Variants in CDC14B observed in about 807,000 individuals in gnomAD.
CDC14B encodes dual specificity protein phosphatase CDC14B.
Under a neutral mutation model 64.2 loss-of-function variants are expected in CDC14B, and 22 were observed. The observed-to-expected ratio is 0.34, with a 90% CI of 0.24 to 0.49. CDC14B has a LOEUF of 0.49. CDC14B is among the 20% of genes least tolerant of loss of function. The probability of loss-of-function intolerance (pLI) is 0.99; values close to 1 mark genes in which losing one functional copy is unlikely to be tolerated. For missense variants in CDC14B, 498 were observed against 629.9 expected (o/e 0.79, Z 2.24); for synonymous variants, 191 against 215.8 (o/e 0.89, Z 1.01).
chr9:96,595,640 C>T (rs1001516734), intron 1 of CDC14B, among the ~76,000 whole-genome samples: 4 of 152,136 alleles, frequency 2.6e-5, no homozygotes, highest in Non-Finnish European at 5.9e-5. Context: ...AAATGGAATA[C>T]GTACTGATAC....
At chr9:96,612,322 T>C (rs1588081716) in intron 1 of CDC14B, among the ~76,000 whole-genome samples, 1 of 152,298 alleles carries the variant, frequency 6.6e-6, no homozygotes, top group East Asian at 1.9e-4. Flanking sequence ...TTGAAACCCT[T>C]CCAGCCGTGA....
At chr9:96,586,022 A>G (rs1564373389) in intron 1 of CDC14B, among the ~76,000 whole-genome samples, 1 of 152,236 alleles carries the variant, frequency 6.6e-6, no homozygotes, top group Non-Finnish European at 1.5e-5. Context: ...ACTAATCTAT[A>G]GTGACAGAAA....
intron 6 of CDC14B, among the ~76,000 whole-genome samples, chr9:96,540,071 G>C (rs754571776): frequency 3.3e-5 from 5 of 152,102 alleles, no homozygotes; most frequent in African/African-American, 4.8e-5. Flanking sequence ...CCAAGACTAA[G>C]TCAATCACAA....
chr9:96,593,022 G>T lies in CDC14B; in HGVS notation c.160+26197C>A, dbSNP rs118134758. On this transcript the variant is annotated intron_variant, in intron 1 of 13. Coordinates refer to ENST00000375241, the MANE Select transcript of CDC14B (RefSeq NM_033331.4). ...GTTAAATAAAATTAAAATGTTTGCC[G>T]TAAGAGTTGTTAACTGCTCAGAAAA... Among the ~76,000 whole-genome samples, 54 of 152,194 alleles carry T rather than the reference G, an allele frequency of 3.5e-4. 1 individual carries two copies. The East Asian group carries it at 9.8e-3, about 28-fold the overall frequency.
chr9:96,616,833 G>A lies in CDC14B; in HGVS notation c.160+2386C>T, dbSNP rs1396825608. Among the ~76,000 whole-genome samples the A allele has an allele frequency of 9.2e-5, 14 of 152,240 alleles. No individual in the cohort carries two copies. In the East Asian group the frequency reaches 2.5e-3, roughly 27 times the overall value. On this transcript the variant is annotated intron_variant, in intron 1 of 13. Transcript: ENST00000375241. Reference sequence around the variant, plus strand: ...GAGGGAAAAACACGTTGAGAAGGAAGGGACCAGTTTGCCACTTGCTGAGGA... The same window carrying A: ...GAGGGAAAAACACGTTGAGAAGGAAAGGACCAGTTTGCCACTTGCTGAGGA...
In CDC14B at chr9:96,509,656, T is replaced by C. The variant is rs778915199; in HGVS notation, c.1460+17A>G. On this transcript the variant is annotated intron_variant, in intron 13 of 13. Coordinates refer to ENST00000375241, the MANE Select transcript of CDC14B (RefSeq NM_033331.4). The stretch of plus-strand genomic sequence containing the variant: ...AAACGCTTGCAACTTTTCAGAAGAG[T>C]AGGATTCTTTTCTCACCTTTTAACA... 6 of 1,452,206 alleles carry C rather than the reference T, an allele frequency of 4.1e-6. No homozygotes were observed. Among genetic ancestry groups the C allele is most frequent in the Non-Finnish European group, 5.8e-6 (6 of 1,033,136 alleles). The allele number at this position is 1,452,206 out of a possible 1,614,324, so 90.0% of individuals were successfully genotyped here.
chr9:96,603,076 G>A (rs1846611876), intron 1 of CDC14B, among the ~76,000 whole-genome samples: 1 of 151,642 alleles, frequency 6.6e-6, no homozygotes, highest in Non-Finnish European at 1.5e-5. Context: ...TGTGCTCATT[G>A]AGTAACCTAA....
intron 4 of CDC14B, among the ~76,000 whole-genome samples, chr9:96,560,582 C>CTTTTTTT (rs373160930): frequency 0.028 from 3,566 of 127,430 alleles, 352 homozygotes; most frequent in African/African-American, 0.11. Context: ...TTTTCTCTTT[C>CTTTTTTT]TCTTTTTTTT....
At chr9:96,610,712 C>G (rs944882839) in intron 1 of CDC14B, among the ~76,000 whole-genome samples, 4 of 149,946 alleles carry the variant, frequency 2.7e-5, no homozygotes, top group Admixed American at 2.6e-4. Context: ...ACCCTTTCCA[C>G]AAGAGCCTAT....
chr9:96,514,627 T>G, intron 12 of CDC14B: 1 of 985,394 alleles, frequency 1.0e-6, no homozygotes, highest in South Asian at 4.7e-5. Flanking sequence ...TTGGAAGAGA[T>G]CTTGCAAGGA....
At chr9:96,495,394 CCCCCCCG>C (rs938432598), downstream of CDC14B, among the ~76,000 whole-genome samples, 6 of 139,536 alleles carry the variant, frequency 4.3e-5, no homozygotes, top group Non-Finnish European at 6.3e-5. Flanking sequence ...GTGTGCTGCC[CCCCCCCG>C]CCCCCCGCCC....
rs1402788394 is a variant in CDC14B, at chr9:96,522,495, C to T, written c.1343+11G>A. ...AGAAACATCAACCACAACAAAGGAA[C>T]CCAGACTCACGTGAGAGGAATAGCG... On this transcript the variant is annotated intron_variant, in intron 12 of 13. Transcript: ENST00000375241. 7.0e-6 allele frequency: 11 copies of T among 1,580,828 alleles called. No homozygotes were observed. Among genetic ancestry groups the T allele is most frequent in the Admixed American group, 3.3e-5 (2 of 59,948 alleles).
chr9:96,597,338 A>T (rs1846149865), intron 1 of CDC14B, among the ~76,000 whole-genome samples: 1 of 152,100 alleles, frequency 6.6e-6, no homozygotes. Flanking sequence ...TACTAAAAAT[A>T]CAAAAATTAG....
intron 9 of CDC14B, among the ~76,000 whole-genome samples, chr9:96,528,743 T>A: frequency 6.6e-6 from 1 of 152,186 alleles, no homozygotes; most frequent in East Asian, 1.9e-4. Flanking sequence ...TTTCTCCACA[T>A]CTCCACACTT....
chr9:96,594,153 A>G (rs1476840476), intron 1 of CDC14B, among the ~76,000 whole-genome samples: 1 of 151,064 alleles, frequency 6.6e-6, no homozygotes, highest in Non-Finnish European at 1.5e-5. Context: ...GCAATCCCTG[A>G]GACACAGGAA....
At position 96,581,098 on chromosome 9, in the gene CDC14B, C is replaced by T. The variant is rs140047862; in HGVS notation, c.161-15615G>A. The stretch of plus-strand genomic sequence containing the variant: ...TACAAAAATTAGCCAGGCATGGTGG[C>T]GCGCGCCTGTAATCCCAGCTACTCA... On this transcript the variant is annotated intron_variant, in intron 1 of 13. Transcript: ENST00000375241. Among the ~76,000 whole-genome samples, 613 of 152,024 alleles carry T rather than the reference C, an allele frequency of 4.0e-3. 6 individuals are homozygous for T. The highest frequency in any genetic ancestry group is 0.013 in the African/African-American group (547 of 41,468).
intron 1 of CDC14B, among the ~76,000 whole-genome samples, chr9:96,618,214 C>T (rs553023814): frequency 6.6e-6 from 1 of 152,348 alleles, no homozygotes; most frequent in Non-Finnish European, 1.5e-5. Flanking sequence ...CTCCAGCTTA[C>T]CTGGTTTATC....
intron 9 of CDC14B, among the ~76,000 whole-genome samples, chr9:96,529,784 A>T (rs890504708): frequency 2.6e-5 from 4 of 152,080 alleles, no homozygotes; most frequent in African/African-American, 9.7e-5. Flanking sequence ...TTAAGCTACC[A>T]TGCCCAGCCT....
intron 1 of CDC14B, among the ~76,000 whole-genome samples, chr9:96,586,255 C>T (rs1190535899): frequency 6.6e-6 from 1 of 152,086 alleles, no homozygotes; most frequent in African/African-American, 2.4e-5. Flanking sequence ...ATGAAGTATT[C>T]TGTAAAGAAT....
Sources: gnomAD v4.1 joint callset for allele counts (sites outside exome capture counted in the v4.1 genomes callset) on GRCh38, gnomAD v4.1.1 for gene constraint, MANE v1.5 for transcripts, NCBI Gene and HGNC (gene_info 2026-07-23, HGNC 2026-07-21) for gene names.